Variants in CCDC178 observed in about 807,000 individuals in gnomAD.
CCDC178 encodes the protein coiled-coil domain containing 178.
A neutral mutation model predicts 117.4 loss-of-function variants in CCDC178; 126 were observed. The ratio of observed to expected loss-of-function variants is 1.07; its 90% CI spans 0.93 to 1.24. The LOEUF (loss-of-function observed/expected upper bound fraction) is 1.24. Ranked by LOEUF, CCDC178 falls within the 50% of genes most tolerant of loss-of-function variation. The probability of loss-of-function intolerance (pLI) is 0.00; values close to 1 mark genes in which losing one functional copy is unlikely to be tolerated. For missense variants in CCDC178, 1,030 were observed against 986.9 expected (o/e 1.04, Z -0.59); for synonymous variants, 283 against 313.4 (o/e 0.90, Z 1.02).
Position 33,389,555 on chromosome 18 carries a change from T to C in CCDC178, c.193A>G (p.Met65Val), listed in dbSNP as rs1461401544. The change falls in exon 5 of 23, where the codon ATG (methionine) becomes GTG (valine). Residue 65 changes from methionine (M) to valine (V), a missense_variant. By Grantham distance (21) the Met-to-Val change is conservative. Coordinates refer to ENST00000383096, the MANE Select transcript of CCDC178 (RefSeq NM_001105528.4). ...CAGTCCTCACCTTCAGTATTTGTCA[T>C]TTTACTTTCATGAAAACCTTCACTG... ...ENSEGFHESK[M>V]TNTEGVNKGI... The C allele has an allele frequency of 6.6e-7, 1 of 1,516,648 alleles. No individual in the cohort carries two copies. Among genetic ancestry groups the C allele is most frequent in the Non-Finnish European group, 8.8e-7 (1 of 1,130,764 alleles). The allele number at this position is 1,516,648 out of a possible 1,614,324, so 93.9% of individuals were successfully genotyped here.
intron 9 of CCDC178, among the ~76,000 whole-genome samples, chr18:33,340,470 C>T (rs931286025): frequency 6.6e-6 from 1 of 152,114 alleles, no homozygotes; most frequent in African/African-American, 2.4e-5. Flanking sequence ...TAGTAAGAAG[C>T]CTAATGTTAA....
intron 15 of CCDC178, among the ~76,000 whole-genome samples, chr18:33,240,643 G>A (rs2059476382): frequency 6.6e-6 from 1 of 151,830 alleles, no homozygotes; most frequent in Non-Finnish European, 1.5e-5. Flanking sequence ...AATCTACCAA[G>A]ATTGAATCAA....
chr18:33,381,889 G>T (rs937095680), intron 5 of CCDC178, among the ~76,000 whole-genome samples: 9 of 147,852 alleles, frequency 6.1e-5, no homozygotes, highest in Admixed American at 2.0e-4. Flanking sequence ...TATTTTATTT[G>T]GCCTACAAGA....
At chr18:33,027,750 A>G (rs2056257538) in intron 21 of CCDC178, among the ~76,000 whole-genome samples, 1 of 151,736 alleles carries the variant, frequency 6.6e-6, no homozygotes, top group South Asian at 2.1e-4. Context: ...CTGTTAGGAA[A>G]GTCATAAAAT....
intron 11 of CCDC178, among the ~76,000 whole-genome samples, chr18:33,302,500 C>G (rs1384310238): frequency 6.6e-6 from 1 of 152,274 alleles, no homozygotes; most frequent in Admixed American, 6.5e-5. Context: ...TATGATCCAG[C>G]AATCTCACTA....
rs571535805 is a variant in CCDC178 at position 33,032,318 on chromosome 18, A to G, written c.2389-57637T>C. On this transcript the variant is annotated intron_variant, in intron 21 of 22. Coordinates refer to ENST00000383096, the MANE Select transcript of CCDC178 (RefSeq NM_001105528.4). ...TCACATGGTTATCTCACAAAATCAG[A>G]GCTCCCTTTTTCAAAGTCAGCATTA... Among the ~76,000 whole-genome samples, 276 of 152,194 alleles carry G rather than the reference A, an allele frequency of 1.8e-3. 2 individuals carry two copies. Among genetic ancestry groups the G allele is most frequent in the African/African-American group, 6.4e-3 (265 of 41,550 alleles).
intron 21 of CCDC178, among the ~76,000 whole-genome samples, chr18:33,073,516 TATC>T: frequency 7.2e-6 from 1 of 139,332 alleles, no homozygotes; most frequent in Non-Finnish European, 1.5e-5. Flanking sequence ...TCTATCTATC[TATC>T]TATCTATCTA....
At position 33,348,750 on chromosome 18, in the gene CCDC178, G is replaced by A. The variant is rs73955118; in HGVS notation, c.457+140C>T. 0.025 allele frequency: 14,980 copies of A among 604,990 alleles called. 1,677 individuals carry two copies. In the African/African-American group the frequency reaches 0.25, roughly 10 times the overall value. The allele number at this position is 604,990 out of a possible 1,614,324, so 37.5% of individuals were successfully genotyped here. A position where few individuals can be genotyped will look rare whatever the true frequency, so the allele number is the denominator to read the frequency against. On this transcript the variant is annotated intron_variant, in intron 8 of 22. Transcript: ENST00000383096. The stretch of plus-strand genomic sequence containing the variant: ...AATGAATGCTTAATCAAATGATATA[G>A]AGGACTATTTTGTCTATTAAACATT...
At chr18:33,304,532 T>A (rs1187397253) in intron 11 of CCDC178, among the ~76,000 whole-genome samples, 1 of 152,212 alleles carries the variant, frequency 6.6e-6, no homozygotes, top group Non-Finnish European at 1.5e-5. Context: ...TAGAAGCAAC[T>A]GAGTATAGTG....
chr18:33,265,797 G>T (rs2059805584), intron 14 of CCDC178, among the ~76,000 whole-genome samples: 1 of 151,992 alleles, frequency 6.6e-6, no homozygotes, highest in Non-Finnish European at 1.5e-5. Flanking sequence ...TCAAAATGTA[G>T]ATAATGTATT....
intron 21 of CCDC178, among the ~76,000 whole-genome samples, chr18:33,033,996 G>T (rs2056395629): frequency 6.6e-6 from 1 of 151,590 alleles, no homozygotes. Flanking sequence ...TTTTGTAGAT[G>T]CCAACCCACA....
chr18:33,373,695 T>G (rs372906888), intron 5 of CCDC178, among the ~76,000 whole-genome samples: 1 of 152,172 alleles, frequency 6.6e-6, no homozygotes, highest in South Asian at 2.1e-4. Context: ...TGTTTTCCTA[T>G]CTATCTTCCC....
At chr18:33,203,308 G>A in intron 20 of CCDC178, among the ~76,000 whole-genome samples, 1 of 151,996 alleles carries the variant, frequency 6.6e-6, no homozygotes, top group East Asian at 1.9e-4. Flanking sequence ...TTTTTCCAAT[G>A]AGTCATCTGC....
chr18:33,336,013 A>G (rs1191923549), intron 9 of CCDC178, among the ~76,000 whole-genome samples: 1 of 152,158 alleles, frequency 6.6e-6, no homozygotes, highest in Non-Finnish European at 1.5e-5. Flanking sequence ...TGACTTTACT[A>G]CTAACGTACA....
intron 11 of CCDC178, among the ~76,000 whole-genome samples, chr18:33,314,882 C>G (rs935581933): frequency 7.2e-5 from 11 of 152,170 alleles, no homozygotes; most frequent in African/African-American, 2.7e-4. Flanking sequence ...ACTAACCAAG[C>G]TGAATTGCTG....
intron 11 of CCDC178, among the ~76,000 whole-genome samples, chr18:33,317,389 C>T (rs534940639): frequency 2.6e-5 from 4 of 152,210 alleles, no homozygotes; most frequent in East Asian, 1.9e-4. Flanking sequence ...CGAACACATC[C>T]GAACATCAGA....
chr18:33,172,151 T>C (rs1271772630), intron 20 of CCDC178, among the ~76,000 whole-genome samples: 1 of 152,104 alleles, frequency 6.6e-6, no homozygotes, highest in African/African-American at 2.4e-5. Context: ...TGCCTCGGCC[T>C]CCCAAAATGC....
intron 20 of CCDC178, among the ~76,000 whole-genome samples, chr18:33,104,812 T>C (rs1405767695): frequency 2.0e-5 from 3 of 151,726 alleles, no homozygotes; most frequent in African/African-American, 7.2e-5. Flanking sequence ...TGTATGAAAT[T>C]AAAAACATTT....
chr18:33,073,098 A>G (rs1270991463), intron 21 of CCDC178, among the ~76,000 whole-genome samples: 1 of 151,804 alleles, frequency 6.6e-6, no homozygotes, highest in African/African-American at 2.4e-5. Context: ...GGCCCTTATT[A>G]ATTTTTTCTT....
Sources: allele counts gnomAD v4.1 joint callset (sites outside exome capture counted in the v4.1 genomes callset), GRCh38; gene constraint gnomAD v4.1.1; transcripts MANE v1.5; gene names NCBI Gene and HGNC (gene_info 2026-07-23, HGNC 2026-07-21).